TPRG1: variants seen among roughly 807,000 people sequenced by gnomAD.
TPRG1 encodes the protein tumor protein p63-regulated gene 1 protein.
In TPRG1, 29 loss-of-function variants were observed where a neutral mutation model predicts 29.3. That is an observed-to-expected ratio of 0.99 (90% CI 0.74 to 1.35). The LOEUF (loss-of-function observed/expected upper bound fraction) is 1.35, where lower values mean the gene tolerates loss of function less well. Among genes scored for constraint, TPRG1 ranks in the 40% most tolerant of loss-of-function variants. The probability of loss-of-function intolerance (pLI) is 0.00; values close to 1 mark genes in which losing one functional copy is unlikely to be tolerated. For missense variants in TPRG1, 327 were observed against 335.0 expected (o/e 0.98, Z 0.19); for synonymous variants, 130 against 116.8 (o/e 1.11, Z -0.73).
At chr3:189,250,516 CCA>C (rs1742064226) in intron 4 of TPRG1, among the ~76,000 whole-genome samples, 1 of 108,432 alleles carries the variant, frequency 9.2e-6, no homozygotes, top group African/African-American at 3.1e-5. Flanking sequence ...CCCCCCCCCC[CCA>C]CCCAGATTAA....
intron 4 of TPRG1, among the ~76,000 whole-genome samples, chr3:189,040,739 A>T (rs1714581200): frequency 6.6e-6 from 1 of 152,146 alleles, no homozygotes; most frequent in South Asian, 2.1e-4. Flanking sequence ...TCAAAGTCTT[A>T]AAGAAACGAT....
chr3:189,168,603 A>G (rs901058639), upstream of TPRG1, among the ~76,000 whole-genome samples: 3 of 152,162 alleles, frequency 2.0e-5, no homozygotes, highest in Admixed American at 6.5e-5. Flanking sequence ...TGGGGAAGAA[A>G]ACTAACTATA....
intron 1 of TPRG1, among the ~76,000 whole-genome samples, chr3:189,104,175 G>A (rs1012313592): frequency 6.6e-6 from 1 of 152,072 alleles, no homozygotes; most frequent in African/African-American, 2.4e-5. Flanking sequence ...CACTTAGGAG[G>A]TGCTTAACTG....
chr3:189,224,856 C>G (rs1002067903), intron 3 of TPRG1, among the ~76,000 whole-genome samples: 1 of 152,078 alleles, frequency 6.6e-6, no homozygotes, highest in African/African-American at 2.4e-5. Context: ...TATTCTCTAA[C>G]ACAGTGTGCA....
chr3:189,259,348 A>G (rs908796923), intron 4 of TPRG1, among the ~76,000 whole-genome samples: 2 of 151,232 alleles, frequency 1.3e-5, no homozygotes, highest in African/African-American at 2.4e-5. Flanking sequence ...ATCAGTCCCA[A>G]TGAGATGAAC....
At chr3:189,038,445 T>C (rs1714422588) in intron 4 of TPRG1, among the ~76,000 whole-genome samples, 1 of 152,128 alleles carries the variant, frequency 6.6e-6, no homozygotes, top group African/African-American at 2.4e-5. Context: ...CAAAACTGGC[T>C]TGTTAAATGG....
intron 1 of TPRG1, among the ~76,000 whole-genome samples, chr3:189,188,343 C>T (rs1482777130): frequency 6.6e-6 from 1 of 152,058 alleles, no homozygotes; most frequent in African/African-American, 2.4e-5. Context: ...CCATTTGGCA[C>T]AATGAAAGAG....
Position 189,152,815 on chromosome 3 carries a change from T to C in TPRG1, c.-10+1943T>C, listed in dbSNP as rs546931486. Among the ~76,000 whole-genome samples, 64 of 150,758 alleles carry C rather than the reference T, an allele frequency of 4.2e-4. No individual in the cohort carries two copies. The South Asian group carries it at 8.8e-3, about 21-fold the overall frequency. On this transcript the variant is annotated intron_variant, in intron 5 of 6. Transcript: ENST00000412373. ...TAGGATTGCTACCTGCCATTATTAT[T>C]AAAAAGTAGGATTGCTACCTGCCAT...
At chr3:189,215,888 T>A (rs919361236) in intron 3 of TPRG1, among the ~76,000 whole-genome samples, 11 of 152,128 alleles carry the variant, frequency 7.2e-5, no homozygotes, top group Admixed American at 5.9e-4. Context: ...AGAGTTAGGA[T>A]AAAAACCAAG....
At chr3:189,062,192 A>T (rs1716154828) in intron 4 of TPRG1, among the ~76,000 whole-genome samples, 1 of 152,236 alleles carries the variant, frequency 6.6e-6, no homozygotes, top group Admixed American at 6.5e-5. Flanking sequence ...AGGAAGAGAA[A>T]GTCAAATACC....
intron 4 of TPRG1, among the ~76,000 whole-genome samples, chr3:189,074,199 C>CTTTTTTTTTT (rs554150288): frequency 1.5e-5 from 1 of 68,080 alleles, no homozygotes. Flanking sequence ...AATTATTTTC[C>CTTTTTTTTTT]TTTTTTTTTT....
chr3:189,133,259 T>C (rs1723310570), intron 3 of TPRG1, among the ~76,000 whole-genome samples: 1 of 152,178 alleles, frequency 6.6e-6, no homozygotes, highest in African/African-American at 2.4e-5. Context: ...TGCTGTGTGC[T>C]AGGGAGACAG....
At chr3:189,180,373 A>G (rs972349772) in intron 1 of TPRG1, among the ~76,000 whole-genome samples, 11 of 152,196 alleles carry the variant, frequency 7.2e-5, no homozygotes, top group Non-Finnish European at 1.3e-4. Context: ...CATCTGAGAC[A>G]AGGCAAGTCC....
Position 189,142,151 on chromosome 3 carries a change from C to T in TPRG1, c.-290-5433C>T, listed in dbSNP as rs944853795. On this transcript the variant is annotated intron_variant, in intron 3 of 6. Transcript: ENST00000412373. The stretch of plus-strand genomic sequence containing the variant: ...GAAAGACAGGTCATTTCGGGCAGGA[C>T]GGGCAGCACGTACAGAGGACGCGTC... 1.6e-4 allele frequency among the ~76,000 whole-genome samples: 24 copies of T among 152,082 alleles called. 1 individual carries two copies. The highest frequency in any genetic ancestry group is 6.5e-4 in the Admixed American group (10 of 15,268).
At chr3:189,173,926 C>T (rs2108671449) in intron 1 of TPRG1, among the ~76,000 whole-genome samples, 1 of 152,310 alleles carries the variant, frequency 6.6e-6, no homozygotes, top group Non-Finnish European at 1.5e-5. Flanking sequence ...AGAAGCCTCT[C>T]TCTTTATTGA....
chr3:189,031,913 T>C (rs995417917), intron 4 of TPRG1, among the ~76,000 whole-genome samples: 1 of 152,122 alleles, frequency 6.6e-6, no homozygotes, highest in Non-Finnish European at 1.5e-5. Flanking sequence ...AAGAAGCTAA[T>C]AGAGTTTGGG....
chr3:189,284,341 T>G, intron 4 of TPRG1, among the ~76,000 whole-genome samples: 1 of 141,820 alleles, frequency 7.1e-6, no homozygotes. Context: ...CCTAATGCTA[T>G]CCCTCCCCCC....
rs147352287 is a variant in TPRG1 at position 189,255,434 on chromosome 3, A to G, written c.479+16525A>G. On this transcript the variant is annotated intron_variant, in intron 4 of 5. Transcript: ENST00000345063. ...GCTTGATTTGGTTTGCTAGCATTTT[A>G]CTGAGGATTTTCACATCGATGTTCA... 4.2e-3 allele frequency among the ~76,000 whole-genome samples: 642 copies of G among 152,272 alleles called. 10 individuals carry two copies. In the East Asian group the frequency reaches 0.047, roughly 11 times the overall value.
intron 4 of TPRG1, among the ~76,000 whole-genome samples, chr3:189,062,349 C>G (rs766133453): frequency 3.0e-4 from 46 of 152,172 alleles, no homozygotes; most frequent in Non-Finnish European, 5.6e-4. Flanking sequence ...AGGCTTAATA[C>G]CTGGGTGATG....
Sources: gnomAD v4.1 joint callset for allele counts (sites outside exome capture counted in the v4.1 genomes callset) on GRCh38, gnomAD v4.1.1 for gene constraint, MANE v1.5 for transcripts, NCBI Gene and HGNC (gene_info 2026-07-23, HGNC 2026-07-21) for gene names.